KYAT1: variants seen among roughly 807,000 people sequenced by gnomAD.
The protein encoded by KYAT1 is kynurenine aminotransferase 1.
Under a neutral mutation model 52.4 loss-of-function variants are expected in KYAT1, and 47 were observed. The ratio of observed to expected loss-of-function variants is 0.90; its 90% confidence interval spans 0.71 to 1.14. KYAT1 has a LOEUF of 1.14. Ranked by LOEUF, KYAT1 falls within the 50% of genes most tolerant of loss-of-function variation. KYAT1 has a pLI of 0.00. For missense variants in KYAT1, 480 were observed against 557.9 expected (o/e 0.86, Z 1.41); for synonymous variants, 212 against 209.6 (o/e 1.01, Z -0.10).
At chr9:128,872,480 T>C (rs1351733716) in intron 1 of KYAT1, among the ~76,000 whole-genome samples, 1 of 148,456 alleles carries the variant, frequency 6.7e-6, no homozygotes, top group Non-Finnish European at 1.5e-5. Flanking sequence ...AAAAAGACCA[T>C]GTTGAGGCCA....
At chr9:128,877,781 G>A (rs1224321820) in intron 1 of KYAT1, among the ~76,000 whole-genome samples, 1 of 152,186 alleles carries the variant, frequency 6.6e-6, no homozygotes, top group Non-Finnish European at 1.5e-5. Context: ...TTCTTCACTG[G>A]GGAGAGCTAT....
chr9:128,869,962 C>A (rs1043381134), intron 1 of KYAT1, among the ~76,000 whole-genome samples: 8 of 152,100 alleles, frequency 5.3e-5, no homozygotes, highest in African/African-American at 1.9e-4. Context: ...CCATGTTGGC[C>A]AGGCTGGTCT....
rs200951056 is a variant in KYAT1 at position 128,842,657 on chromosome 9, T to C, written c.198A>G (p.Thr66=). 1.7e-5 allele frequency: 28 copies of C among 1,613,148 alleles called. No homozygotes were observed. Among genetic ancestry groups the C allele is most frequent in the Middle Eastern group, 3.3e-4 (2 of 6,080 alleles). Residue 66 remains threonine (T), a synonymous_variant, in exon 3 of 13, where the codon ACA becomes ACG. Coordinates refer to ENST00000302586, the MANE Select transcript of KYAT1 (RefSeq NM_004059.5). ...CACGAGAGATGGGGAGACTCACAAA[T>C]GTCTTGGTGTACTGGTTAAGCATGA... The part of the protein sequence containing the change: ...GDFMLNQYTK[T]FGYPPLTKIL...
chr9:128,838,016 C>A, intron 5 of KYAT1, 35 bp downstream of exon 5: 1 of 1,603,240 alleles, frequency 6.2e-7, no homozygotes, highest in African/African-American at 1.3e-5. Context: ...GCCTTGGATC[C>A]CTCTGCCCAT....
At position 128,859,254 on chromosome 9, in the gene KYAT1, G is replaced by A. The variant is rs148275021; in HGVS notation, c.-6-13843C>T. Reference sequence around the variant, plus strand: ...TGGGCACCTGTAGTCCCAGCTACTCGGGAGGCTGAGGCAGGAGAATGTCGT... The same window carrying A: ...TGGGCACCTGTAGTCCCAGCTACTCAGGAGGCTGAGGCAGGAGAATGTCGT... On this transcript the variant is annotated intron_variant, in intron 1 of 12. Transcript: ENST00000302586. 4.2e-3 allele frequency among the ~76,000 whole-genome samples: 633 copies of A among 151,858 alleles called. 13 individuals are homozygous for A. Among genetic ancestry groups the A allele is most frequent in the East Asian group, 0.041 (209 of 5,114 alleles).
intron 1 of KYAT1, among the ~76,000 whole-genome samples, chr9:128,855,523 G>A (rs917862439): frequency 2.2e-4 from 33 of 152,194 alleles, no homozygotes; most frequent in African/African-American, 8.0e-4. Context: ...ATTCCAATCC[G>A]ACAATTCCTT....
intron 1 of KYAT1, chr9:128,846,618 A>T: frequency 9.5e-7 from 1 of 1,052,978 alleles, no homozygotes; most frequent in Non-Finnish European, 1.3e-6. Context: ...AAAAAAAAAA[A>T]AAAAAAAGAA....
At chr9:128,865,628 C>T (rs1836268400) in intron 1 of KYAT1, among the ~76,000 whole-genome samples, 1 of 151,782 alleles carries the variant, frequency 6.6e-6, no homozygotes, top group African/African-American at 2.4e-5. Flanking sequence ...TCCCAAAGTG[C>T]TGTGATTACA....
chr9:128,877,086 T>C (rs1264390932), intron 1 of KYAT1, among the ~76,000 whole-genome samples: 2 of 151,930 alleles, frequency 1.3e-5, no homozygotes, highest in African/African-American at 4.8e-5. Flanking sequence ...TTTGTAGAGA[T>C]GGGGTTTCAC....
chr9:128,864,870 A>G (rs555725685), intron 1 of KYAT1, among the ~76,000 whole-genome samples: 1 of 151,812 alleles, frequency 6.6e-6, no homozygotes, highest in Non-Finnish European at 1.5e-5. Flanking sequence ...AGGCCTCCCA[A>G]AGTGCTGGGA....
At chr9:128,878,546 A>C (rs896864648) in intron 1 of KYAT1, among the ~76,000 whole-genome samples, 2 of 152,212 alleles carry the variant, frequency 1.3e-5, no homozygotes, top group Admixed American at 6.5e-5. Context: ...TAGAAAAAAA[A>C]CAGAATTCCC....
At chr9:128,847,742 C>T (rs1349876214) in intron 1 of KYAT1, 4 of 503,258 alleles carry the variant, frequency 7.9e-6, no homozygotes, top group East Asian at 3.2e-5. Context: ...TATCCGACTC[C>T]GTCCTTATAA....
At chr9:128,850,316 T>C (rs1282888810) in intron 1 of KYAT1, among the ~76,000 whole-genome samples, 1 of 152,216 alleles carries the variant, frequency 6.6e-6, no homozygotes, top group Non-Finnish European at 1.5e-5. Context: ...TTTTGACCTG[T>C]ACCTTGAACA....
intron 2 of KYAT1, among the ~76,000 whole-genome samples, chr9:128,843,037 G>A (rs1202862030): frequency 1.3e-5 from 2 of 152,178 alleles, no homozygotes; most frequent in African/African-American, 2.4e-5. Context: ...CATGGTGGCA[G>A]GGGCCTGTAA....
intron 1 of KYAT1, among the ~76,000 whole-genome samples, chr9:128,875,161 C>T (rs1837795596): frequency 6.6e-6 from 1 of 151,958 alleles, no homozygotes; most frequent in East Asian, 1.9e-4. Context: ...TCTCAGGTTT[C>T]CCAAACTGTG....
intron 1 of KYAT1, among the ~76,000 whole-genome samples, chr9:128,871,785 A>G (rs1332056647): frequency 2.0e-4 from 30 of 152,172 alleles, no homozygotes; most frequent in Admixed American, 1.8e-3. Context: ...ACACATACAC[A>G]TACATATTCA....
chr9:128,841,573 A>G (rs1832174167), intron 3 of KYAT1, among the ~76,000 whole-genome samples: 1 of 149,738 alleles, frequency 6.7e-6, no homozygotes, highest in Non-Finnish European at 1.5e-5. Context: ...GCGCACCCCT[A>G]TAGTCCCAGC....
intron 1 of KYAT1, among the ~76,000 whole-genome samples, chr9:128,851,502 T>C (rs950479547): frequency 6.6e-6 from 1 of 152,170 alleles, no homozygotes; most frequent in African/African-American, 2.4e-5. Context: ...AATAGAACAA[T>C]TCTGCCCATG....
At chr9:128,863,537 CTCTGTG>C (rs1046358891) in intron 1 of KYAT1, among the ~76,000 whole-genome samples, 5 of 143,828 alleles carry the variant, frequency 3.5e-5, no homozygotes, top group Admixed American at 1.4e-4. Context: ...GTGCACACAT[CTCTGTG>C]TCTGTGTCTG....
Sources: gnomAD v4.1 joint callset for allele counts (sites outside exome capture counted in the v4.1 genomes callset) on GRCh38, gnomAD v4.1.1 for gene constraint, MANE v1.5 for transcripts, NCBI Gene and HGNC (gene_info 2026-07-23, HGNC 2026-07-21) for gene names.